AFG2A: variants seen among roughly 807,000 people sequenced by gnomAD.
AFG2A encodes the protein AAA ATPase AFG2A.
chr4:123,319,312 G>T, the AFG2A span: 1 of 152,198 alleles, frequency 6.6e-6, no homozygotes, highest in East Asian at 1.9e-4. Flanking sequence ...GTTCCAGAAT[G>T]TGAGGTTATT....
chr4:123,149,798 CTTTTTTTTTTTTTTT>C, the AFG2A span, among the ~76,000 whole-genome samples: 5 of 121,644 alleles, frequency 4.1e-5, no homozygotes, highest in Admixed American at 8.1e-5. Flanking sequence ...TAGGAAATAG[CTTTTTTTTTTTTTTT>C]TTTTTTTTTT....
the AFG2A span, among the ~76,000 whole-genome samples, chr4:123,186,812 A>T: frequency 2.6e-5 from 4 of 152,224 alleles, no homozygotes; most frequent in South Asian, 2.1e-4. Flanking sequence ...AAGTTACCTT[A>T]ATTAAAAAGA....
the AFG2A span, among the ~76,000 whole-genome samples, chr4:123,050,576 A>G: frequency 1.3e-5 from 2 of 152,040 alleles, no homozygotes; most frequent in African/African-American, 4.8e-5. Context: ...GTCTCTTTTT[A>G]CAAGTTGTGA....
chr4:123,099,598 T>C, the AFG2A span, among the ~76,000 whole-genome samples: 1 of 151,802 alleles, frequency 6.6e-6, no homozygotes, highest in Non-Finnish European at 1.5e-5. Flanking sequence ...TTATAAGTCG[T>C]ATTTGAGTAA....
chr4:123,103,303 G>A, the AFG2A span, among the ~76,000 whole-genome samples: 3 of 152,042 alleles, frequency 2.0e-5, no homozygotes, highest in Admixed American at 6.6e-5. Flanking sequence ...ACTGGGGAGC[G>A]GAGAGCACTG....
chr4:123,126,307 A>G, the AFG2A span, among the ~76,000 whole-genome samples: 6 of 151,758 alleles, frequency 4.0e-5, no homozygotes, highest in African/African-American at 1.5e-4. Context: ...TGAATTTTTT[A>G]TTTTTGAGGT....
the AFG2A span, among the ~76,000 whole-genome samples, chr4:123,034,783 A>G: frequency 1.3e-5 from 2 of 152,082 alleles, no homozygotes; most frequent in African/African-American, 4.8e-5. Context: ...TAAATCTTAA[A>G]CTTTGCTAAA....
the AFG2A span, among the ~76,000 whole-genome samples, chr4:122,969,315 G>A: frequency 6.6e-6 from 1 of 151,696 alleles, no homozygotes; most frequent in African/African-American, 2.4e-5. Flanking sequence ...TCATATAGAT[G>A]TGTTATACCA....
chr4:123,285,120 T>C, the AFG2A span, among the ~76,000 whole-genome samples: 1 of 152,046 alleles, frequency 6.6e-6, no homozygotes, highest in African/African-American at 2.4e-5. Flanking sequence ...GGGCTTTCCC[T>C]CCCTCTGCAC....
the AFG2A span, among the ~76,000 whole-genome samples, chr4:122,942,630 T>C: frequency 6.6e-6 from 1 of 152,280 alleles, no homozygotes; most frequent in East Asian, 1.9e-4. Context: ...ATGTCTCTAT[T>C]TCCTTCAGTT....
At chr4:123,021,187 CT>C in the AFG2A span, among the ~76,000 whole-genome samples, 2 of 150,964 alleles carry the variant, frequency 1.3e-5, no homozygotes, top group African/African-American at 4.9e-5. Context: ...GTAACGGTAC[CT>C]TTCCCAAGCT....
chr4:123,118,353 T>TTATATTATATATATTA, the AFG2A span, among the ~76,000 whole-genome samples: 1 of 129,856 alleles, frequency 7.7e-6, no homozygotes, highest in Non-Finnish European at 1.6e-5. Context: ...ATTATATATA[T>TTATATTATATATATTA]TATATATATA....
At chr4:123,263,975 A>G in the AFG2A span, among the ~76,000 whole-genome samples, 3 of 152,184 alleles carry the variant, frequency 2.0e-5, no homozygotes, top group African/African-American at 7.2e-5. Context: ...CCATCAATCA[A>G]CAAGTGGATA....
the AFG2A span, among the ~76,000 whole-genome samples, chr4:123,170,670 T>C: frequency 6.6e-6 from 1 of 152,182 alleles, no homozygotes; most frequent in Non-Finnish European, 1.5e-5. Flanking sequence ...ATTGGTGACA[T>C]CGTATTAATA....
chr4:123,046,641 G>A, the AFG2A span, among the ~76,000 whole-genome samples: 1 of 152,114 alleles, frequency 6.6e-6, no homozygotes, highest in Admixed American at 6.6e-5. Context: ...TTGGTTTCGG[G>A]AACATTACAA....
the AFG2A span, among the ~76,000 whole-genome samples, chr4:123,190,143 G>A: frequency 1.3e-5 from 2 of 152,042 alleles, no homozygotes; most frequent in African/African-American, 2.4e-5. Flanking sequence ...TAATGGTCCT[G>A]GGAACTTTAC....
chr4:123,016,521 A>AT, the AFG2A span, among the ~76,000 whole-genome samples: 1 of 141,614 alleles, frequency 7.1e-6, no homozygotes, highest in African/African-American at 2.7e-5. Flanking sequence ...ATCTTAGACG[A>AT]TGGGCGGCTG....
the AFG2A span, among the ~76,000 whole-genome samples, chr4:123,272,913 A>T: frequency 0.034 from 5,225 of 152,246 alleles, 119 homozygotes; most frequent in African/African-American, 0.049. Flanking sequence ...TAGGTTGAAG[A>T]GGGAGAGTCA....
At chr4:123,161,423 C>T in the AFG2A span, among the ~76,000 whole-genome samples, 1 of 152,050 alleles carries the variant, frequency 6.6e-6, no homozygotes, top group African/African-American at 2.4e-5. Context: ...ATAATAATTA[C>T]ACTAAGTCTT....
Sources: allele counts gnomAD v4.1 joint callset (sites outside exome capture counted in the v4.1 genomes callset), GRCh38; gene constraint gnomAD v4.1.1; transcripts MANE v1.5; gene names NCBI Gene and HGNC (gene_info 2026-07-23, HGNC 2026-07-21).